Variants in GPC6 observed in about 807,000 individuals in gnomAD.
GPC6 encodes the protein glypican 6.
Under a neutral mutation model 55.2 loss-of-function variants are expected in GPC6, and 14 were observed. The observed-to-expected ratio is 0.25, with a 90% CI of 0.17 to 0.40. GPC6 has a LOEUF of 0.40. Among genes scored for constraint, GPC6 ranks in the 10% least tolerant of loss-of-function variants. The probability of loss-of-function intolerance (pLI) is 1.00; values close to 1 mark genes in which losing one functional copy is unlikely to be tolerated. For missense variants in GPC6, 641 were observed against 708.5 expected, an observed-to-expected ratio of 0.90 and a Z score of 1.08; for synonymous variants, 278 against 259.6, an observed-to-expected ratio of 1.07 and a Z score of -0.68.
At chr13:93,587,182 A>T (rs929960040) in intron 2 of GPC6, among the ~76,000 whole-genome samples, 2 of 151,948 alleles carry the variant, frequency 1.3e-5, no homozygotes, top group Non-Finnish European at 2.9e-5. Flanking sequence ...TAAAATAGGG[A>T]TATAATATTA....
chr13:93,977,476 G>A (rs1023206703), intron 3 of GPC6, among the ~76,000 whole-genome samples: 1 of 85,008 alleles, frequency 1.2e-5, no homozygotes, highest in African/African-American at 6.8e-5. Flanking sequence ...GGGTGTGTGT[G>A]TGTGTGTGTG....
At chr13:94,181,054 T>G (rs975137453) in intron 4 of GPC6, among the ~76,000 whole-genome samples, 18 of 152,204 alleles carry the variant, frequency 1.2e-4, no homozygotes, top group African/African-American at 4.1e-4. Flanking sequence ...ACCTGCAGTT[T>G]GGCATTAGTT....
intron 4 of GPC6, among the ~76,000 whole-genome samples, chr13:94,211,404 A>G (rs1350100326): frequency 6.6e-6 from 1 of 152,250 alleles, no homozygotes; most frequent in Admixed American, 6.5e-5. Context: ...CTATGTCAGT[A>G]TAAGAACGTA....
intron 5 of GPC6, among the ~76,000 whole-genome samples, chr13:94,291,864 G>A (rs569415227): frequency 6.6e-6 from 1 of 152,062 alleles, no homozygotes; most frequent in East Asian, 1.9e-4. Context: ...CTCCTAATTA[G>A]GGCCAGATAT....
rs778394484 is a variant in GPC6 at position 94,133,714 on chromosome 13, AT to A, written c.877+105833del. Among the ~76,000 whole-genome samples the A allele has an allele frequency of 9.6e-3, 1,373 of 143,682 alleles. 5 individuals carry two copies. Among genetic ancestry groups the A allele is most frequent in the East Asian group, 0.044 (217 of 4,974 alleles). The allele number at this position is 143,682 out of a possible 152,430, so 94.3% of individuals were successfully genotyped here. ...GTATGCCTAAAAAGAACACAACAGC[AT>A]TTTTTTTTTTTTGGTCTCAGCTGAA... On this transcript the variant is annotated intron_variant, in intron 4 of 8. Transcript: ENST00000377047.
chr13:93,354,638 A>G (rs1880777321), intron 1 of GPC6, among the ~76,000 whole-genome samples: 2 of 151,064 alleles, frequency 1.3e-5, no homozygotes, highest in East Asian at 4.0e-4. Context: ...TGCTGGGATT[A>G]TAGGCGTGAG....
At chr13:94,058,911 T>G (rs896016075) in intron 4 of GPC6, among the ~76,000 whole-genome samples, 1 of 152,198 alleles carries the variant, frequency 6.6e-6, no homozygotes, top group Non-Finnish European at 1.5e-5. Flanking sequence ...ACTCAACAAT[T>G]TCTTCATCAT....
intron 5 of GPC6, among the ~76,000 whole-genome samples, chr13:94,299,874 G>T (rs1242887397): frequency 6.6e-6 from 1 of 152,244 alleles, no homozygotes; most frequent in African/African-American, 2.4e-5. Flanking sequence ...AGATACGATA[G>T]CTTCTATTTC....
At chr13:93,989,349 G>C (rs2140413389) in intron 3 of GPC6, among the ~76,000 whole-genome samples, 1 of 152,278 alleles carries the variant, frequency 6.6e-6, no homozygotes, top group Admixed American at 6.5e-5. Flanking sequence ...TACTGAATCT[G>C]ATACAGGGTT....
intron 4 of GPC6, among the ~76,000 whole-genome samples, chr13:94,279,335 G>T (rs1892303693): frequency 6.8e-6 from 1 of 146,190 alleles, no homozygotes; most frequent in Non-Finnish European, 1.5e-5. Flanking sequence ...TTCCTTTTTA[G>T]TTAGCCTAGC....
intron 2 of GPC6, among the ~76,000 whole-genome samples, chr13:93,753,743 T>G (rs1287103693): frequency 6.7e-6 from 1 of 149,736 alleles, no homozygotes; most frequent in Non-Finnish European, 1.5e-5. Flanking sequence ...CCCACCACCC[T>G]TCCCAGCCTC....
chr13:93,463,148 T>A (rs1878765413), intron 1 of GPC6, among the ~76,000 whole-genome samples: 1 of 152,204 alleles, frequency 6.6e-6, no homozygotes, highest in Non-Finnish European at 1.5e-5. Context: ...TTGGGGCAAC[T>A]TTTAGATAAG....
intron 1 of GPC6, among the ~76,000 whole-genome samples, chr13:93,461,391 C>A (rs893809742): frequency 6.6e-6 from 1 of 152,068 alleles, no homozygotes; most frequent in Non-Finnish European, 1.5e-5. Flanking sequence ...TAAAATTTCT[C>A]AACTTTCTAA....
chr13:93,367,869 C>T (rs1881304153), intron 1 of GPC6, among the ~76,000 whole-genome samples: 1 of 151,928 alleles, frequency 6.6e-6, no homozygotes, highest in African/African-American at 2.4e-5. Context: ...TCCATATTGG[C>T]ATATATTCTG....
intron 4 of GPC6, among the ~76,000 whole-genome samples, chr13:94,269,723 C>T (rs1176907824): frequency 6.6e-6 from 1 of 152,130 alleles, no homozygotes; most frequent in Non-Finnish European, 1.5e-5. Context: ...TTTGCCTCTG[C>T]CCACTTTCTC....
At chr13:94,202,218 T>G (rs1889773998) in intron 4 of GPC6, among the ~76,000 whole-genome samples, 1 of 152,234 alleles carries the variant, frequency 6.6e-6, no homozygotes, top group Non-Finnish European at 1.5e-5. Context: ...TTGCATGTTT[T>G]AGCATATCAA....
At chr13:94,022,102 G>A (rs1020027378) in intron 3 of GPC6, among the ~76,000 whole-genome samples, 1 of 152,026 alleles carries the variant, frequency 6.6e-6, no homozygotes, top group African/African-American at 2.4e-5. Flanking sequence ...GAGAATCGCT[G>A]TAATCTTTTT....
At chr13:93,645,374 T>G (rs527812778) in intron 2 of GPC6, among the ~76,000 whole-genome samples, 1 of 152,168 alleles carries the variant, frequency 6.6e-6, no homozygotes, top group African/African-American at 2.4e-5. Flanking sequence ...AAAGGTTACA[T>G]AGTTGGTTGT....
rs567475064 is a variant in GPC6 at position 94,312,695 on chromosome 13, C to T, written c.1152+6572C>T. Among the ~76,000 whole-genome samples, 4 of 149,646 alleles carry T rather than the reference C, an allele frequency of 2.7e-5. No individual in the cohort carries two copies. The South Asian group carries it at 6.3e-4, about 24-fold the overall frequency. On this transcript the variant is annotated intron_variant, in intron 6 of 8. Transcript: ENST00000377047. Reference sequence around the variant, plus strand: ...CCTTCCACCCCAACACAGACACACACGAAGACACACACGCACACGCGCACG... The same window carrying T: ...CCTTCCACCCCAACACAGACACACATGAAGACACACACGCACACGCGCACG...
Sources: allele counts gnomAD v4.1 joint callset (sites outside exome capture counted in the v4.1 genomes callset), GRCh38; gene constraint gnomAD v4.1.1; transcripts MANE v1.5; gene names NCBI Gene and HGNC (gene_info 2026-07-23, HGNC 2026-07-21).